EBF2: variants seen among roughly 807,000 people sequenced by gnomAD.
EBF2 encodes the protein transcription factor COE2.
Under a neutral mutation model 72.8 loss-of-function variants are expected in EBF2, and 21 were observed. The observed-to-expected ratio is 0.29, with a 90% CI of 0.20 to 0.42. The LOEUF is 0.42. EBF2 is among the 10% of genes least tolerant of loss of function. The pLI is 1.00. For missense variants in EBF2, 637 were observed against 731.2 expected, an observed-to-expected ratio of 0.87 and a Z score of 1.49; for synonymous variants, 299 against 274.2, an observed-to-expected ratio of 1.09 and a Z score of -0.89.
intron 6 of EBF2, among the ~76,000 whole-genome samples, chr8:25,940,616 A>T (rs1012771042): frequency 6.7e-4 from 30 of 44,484 alleles, no homozygotes; most frequent in African/African-American, 2.3e-3. Context: ...TAAAAATGAA[A>T]AAATTAAAAA....
At position 26,040,062 on chromosome 8, in the gene EBF2, A is replaced by G. The variant is rs1474963363; in HGVS notation, c.448T>C (p.Cys150Arg). The G allele has an allele frequency of 3.1e-6, 5 of 1,613,932 alleles. No homozygotes were observed. The Admixed American group carries it at 5.0e-5, about 16-fold the overall frequency. ...ACTTCGTGCGTCAGGAGAACTCGGC[A>G]CATTTCCGGATTCTTATTCTGTCCC... is the stretch of plus-strand genomic sequence containing the variant. Reference protein sequence around the residue: ...YEGQNKNPEMCRVLLTHEVMC... With the variant: ...YEGQNKNPEMRRVLLTHEVMC... The change falls in exon 5 of 16, where the codon TGC becomes CGC. Residue 150 changes from cysteine to arginine, a missense_variant. By Grantham distance (180) the Cys-to-Arg change is radical. This residue lies in a region of EBF2 where 204 missense variants were observed against 301.2 expected (regional missense o/e 0.68). Coordinates refer to ENST00000520164, the MANE Select transcript of EBF2 (RefSeq NM_022659.4).
chr8:25,928,864 G>A (rs543671905), intron 6 of EBF2, among the ~76,000 whole-genome samples: 9 of 150,980 alleles, frequency 6.0e-5, no homozygotes, highest in African/African-American at 2.2e-4. Context: ...AGTGGACCAG[G>A]CTTGGCCAAA....
At chr8:25,979,138 A>G (rs1804317032) in intron 6 of EBF2, among the ~76,000 whole-genome samples, 1 of 152,144 alleles carries the variant, frequency 6.6e-6, no homozygotes, top group Non-Finnish European at 1.5e-5. Flanking sequence ...GTCACACCCA[A>G]AGCCCACAAA....
chr8:26,024,702 T>C (rs373392237), intron 6 of EBF2, among the ~76,000 whole-genome samples: 3 of 152,182 alleles, frequency 2.0e-5, no homozygotes, highest in African/African-American at 7.2e-5. Context: ...ATGGAGTGTC[T>C]GTAGCATCCA....
chr8:25,959,485 A>G (rs1804001179), intron 6 of EBF2, among the ~76,000 whole-genome samples: 1 of 152,362 alleles, frequency 6.6e-6, no homozygotes, highest in African/African-American at 2.4e-5. Flanking sequence ...GATTACAGGC[A>G]TGAGCCACAA....
chr8:26,031,488 T>TG (rs1466898719), intron 6 of EBF2: 2 of 137,406 alleles, frequency 1.5e-5, no homozygotes, highest in Admixed American at 1.7e-4. Flanking sequence ...CAGGCTGGAG[T>TG]GCAGTGGCGT....
intron 6 of EBF2, among the ~76,000 whole-genome samples, chr8:26,017,826 T>C (rs1459363202): frequency 6.6e-6 from 1 of 152,200 alleles, no homozygotes; most frequent in Non-Finnish European, 1.5e-5. Context: ...CCTAGAGCTA[T>C]AAGAAGGGGT....
At chr8:25,861,463 C>T in intron 11 of EBF2, 89 bp from the exon 12 acceptor site, 11 of 1,424,010 alleles carry the variant, frequency 7.7e-6, no homozygotes, top group Non-Finnish European at 9.8e-6. Context: ...GAGAAATCCA[C>T]ACATCCCTCC....
chr8:25,912,656 T>C (rs1324030836), intron 6 of EBF2, among the ~76,000 whole-genome samples: 1 of 152,166 alleles, frequency 6.6e-6, no homozygotes, highest in Non-Finnish European at 1.5e-5. Flanking sequence ...ATTTATTTAC[T>C]CATTTGATCA....
intron 6 of EBF2, among the ~76,000 whole-genome samples, chr8:25,918,296 T>C (rs1803257947): frequency 6.6e-6 from 1 of 152,220 alleles, no homozygotes. Flanking sequence ...GATTAGCAGA[T>C]ATGAGTGCAT....
chr8:26,009,876 A>G (rs1232700119), intron 6 of EBF2, among the ~76,000 whole-genome samples: 2 of 152,216 alleles, frequency 1.3e-5, no homozygotes, highest in Non-Finnish European at 2.9e-5. Context: ...AAGAAGAAAA[A>G]CATGCATTTA....
chr8:25,912,497 C>CACACACACA (rs1018117434), intron 6 of EBF2, among the ~76,000 whole-genome samples: 1 of 132,236 alleles, frequency 7.6e-6, no homozygotes, highest in Admixed American at 8.0e-5. Flanking sequence ...CACACACACA[C>CACACACACA]AACAGGAAGA....
At position 25,872,679 on chromosome 8, in the gene EBF2, AAACAAC is replaced by A. The variant is rs113792737; in HGVS notation, c.1010-9888_1010-9883del. On this transcript the variant is annotated intron_variant, in intron 10 of 15. Coordinates refer to ENST00000520164, the MANE Select transcript of EBF2 (RefSeq NM_022659.4). ...GGTTTTCTTTGCATTGTAAGAAAGC[AAACAAC>A]AACAACAACAACAACAACAACAACA... 2.3e-3 allele frequency among the ~76,000 whole-genome samples: 346 copies of A among 151,372 alleles called. 3 individuals carry two copies. The highest frequency in any genetic ancestry group is 6.8e-3 in the Middle Eastern group (2 of 292).
rs75898452 is a variant in EBF2 at position 26,039,160 on chromosome 8, C to T, written c.482+868G>A. On this transcript the variant is annotated intron_variant, in intron 5 of 15. Transcript: ENST00000520164. ...CAGCACCCAACCGATACCGGGCACA[C>T]GTTAGGCACTCAATAAACATTTGTT... Among the ~76,000 whole-genome samples the T allele has an allele frequency of 1.6e-3, 239 of 151,894 alleles. 1 individual carries two copies. The highest frequency in any genetic ancestry group is 5.5e-3 in the African/African-American group (226 of 41,360).
chr8:25,978,124 A>C (rs1804298021), intron 6 of EBF2, among the ~76,000 whole-genome samples: 1 of 152,186 alleles, frequency 6.6e-6, no homozygotes, highest in African/African-American at 2.4e-5. Flanking sequence ...TGGAAGCCCC[A>C]GAAACTATGC....
At chr8:25,979,057 A>G (rs1804316035) in intron 6 of EBF2, among the ~76,000 whole-genome samples, 1 of 152,166 alleles carries the variant, frequency 6.6e-6, no homozygotes, top group Non-Finnish European at 1.5e-5. Context: ...CACCCTTGTG[A>G]AGGATCCACA....
chr8:25,998,008 A>G (rs1804664853), intron 6 of EBF2, among the ~76,000 whole-genome samples: 1 of 152,246 alleles, frequency 6.6e-6, no homozygotes, highest in Non-Finnish European at 1.5e-5. Flanking sequence ...AAAAAATTAT[A>G]ACTAGAGACT....
At chr8:25,901,590 C>A (rs1252027565) in intron 7 of EBF2, among the ~76,000 whole-genome samples, 1 of 152,072 alleles carries the variant, frequency 6.6e-6, no homozygotes, top group East Asian at 1.9e-4. Flanking sequence ...CCTTTTGAGG[C>A]AGAGGGTAAA....
chr8:25,951,506 T>C (rs575898101), intron 6 of EBF2, among the ~76,000 whole-genome samples: 6 of 152,206 alleles, frequency 3.9e-5, no homozygotes, highest in Non-Finnish European at 7.3e-5. Context: ...ATTTTCATGA[T>C]GGCTCTGTCC....
Sources: gnomAD v4.1 joint callset for allele counts (sites outside exome capture counted in the v4.1 genomes callset) on GRCh38, gnomAD v4.1.1 for gene constraint, gnomAD v4.1.1 regional missense constraint, MANE v1.5 for transcripts, NCBI Gene and HGNC (gene_info 2026-07-23, HGNC 2026-07-21) for gene names.